Variants in EGFLAM observed in about 807,000 individuals in gnomAD.
The protein encoded by EGFLAM is pikachurin.
In EGFLAM, 79 loss-of-function variants were observed where a neutral mutation model predicts 113.1. That is an observed-to-expected ratio of 0.70 (90% CI 0.58 to 0.84). The LOEUF (loss-of-function observed/expected upper bound fraction) is 0.84, where lower values mean the gene tolerates loss of function less well. Ranked by LOEUF, EGFLAM falls within the 40% of genes least tolerant of loss-of-function variation. The pLI is 0.00. For missense variants in EGFLAM, 1,265 were observed against 1,291.6 expected, an observed-to-expected ratio of 0.98 and a Z score of 0.32; for synonymous variants, 504 against 487.6, an observed-to-expected ratio of 1.03 and a Z score of -0.44.
intron 1 of EGFLAM, among the ~76,000 whole-genome samples, chr5:38,296,430 G>A (rs1469652558): frequency 6.6e-6 from 1 of 152,076 alleles, no homozygotes; most frequent in East Asian, 1.9e-4. Context: ...TCTAAATTCA[G>A]CTGCTTCACA....
At chr5:38,427,364 A>G (rs1419031225) in intron 14 of EGFLAM, 112 bp downstream of exon 14, 2 of 1,507,226 alleles carry the variant, frequency 1.3e-6, no homozygotes, top group Non-Finnish European at 1.8e-6. Flanking sequence ...TCTTCTCTAC[A>G]TGCTTATCTT....
Position 38,412,601 on chromosome 5 carries a change from G to A in EGFLAM, c.1447G>A (p.Gly483Arg), listed in dbSNP as rs1263295428. The A allele has an allele frequency of 1.9e-6, 3 of 1,614,118 alleles. No homozygotes were observed. The highest frequency in any genetic ancestry group is 2.5e-6 in the Non-Finnish European group (3 of 1,180,022). ...TVMLYRDGLN[G>R]LLQLNNGTPV... Reference sequence around the variant, plus strand: ...TATGCTCTACAGAGATGGGCTGAACGGGCTGCTGCAGCTGAACAATGGCAC... The same window carrying A: ...TATGCTCTACAGAGATGGGCTGAACAGGCTGCTGCAGCTGAACAATGGCAC... Residue 483 changes from glycine to arginine, a missense_variant, in exon 11 of 22, where the codon GGG (glycine) becomes AGG (arginine). Physicochemically the swap from Gly to Arg is moderately radical, Grantham distance 125. Transcript: ENST00000322350.
chr5:38,418,426 G>A (rs1579903591), intron 12 of EGFLAM, among the ~76,000 whole-genome samples, 171 bp downstream of exon 12: 1 of 152,198 alleles, frequency 6.6e-6, no homozygotes, highest in African/African-American at 2.4e-5. Flanking sequence ...CTGGTGCTCT[G>A]CAGACATGCT....
Position 38,441,482 on chromosome 5 carries a change from T to C in EGFLAM, c.2464+3027T>C, listed in dbSNP as rs150490980. Among the ~76,000 whole-genome samples, 314 of 152,224 alleles carry C rather than the reference T, an allele frequency of 2.1e-3. 1 individual carries two copies. Among genetic ancestry groups the C allele is most frequent in the African/African-American group, 7.2e-3 (298 of 41,530 alleles). ...TTGCATCCAGTGGACCCATCCTGTG[T>C]CCCAGTTCCTCAGAGCTTGTGTATC... On this transcript the variant is annotated intron_variant, in intron 17 of 21. Transcript: ENST00000322350.
At chr5:38,278,454 T>C (rs1375391674) in intron 1 of EGFLAM, among the ~76,000 whole-genome samples, 2 of 151,454 alleles carry the variant, frequency 1.3e-5, no homozygotes, top group Non-Finnish European at 2.9e-5. Flanking sequence ...GAAGAAAACA[T>C]AGGCAAAGAG....
At chr5:38,324,112 G>T (rs1398087600) in intron 1 of EGFLAM, among the ~76,000 whole-genome samples, 2 of 151,174 alleles carry the variant, frequency 1.3e-5, no homozygotes, top group African/African-American at 4.9e-5. Context: ...AGACATTGCA[G>T]AGATGTGAGG....
chr5:38,412,636 A>G lies in EGFLAM; in HGVS notation c.1482A>G (p.Thr494=), dbSNP rs1207981808. The G allele has an allele frequency of 8.1e-6, 13 of 1,613,902 alleles. No homozygotes were observed. The highest frequency in any genetic ancestry group is 1.1e-5 in the Non-Finnish European group (13 of 1,180,006). The change falls in exon 11 of 22, where the codon ACA becomes ACG. Residue 494 remains threonine, a synonymous_variant. Transcript: ENST00000322350. The part of the protein sequence containing the change: ...LLQLNNGTPV[T]GQSQGQYSKI... ...AGCTGAACAATGGCACCCCAGTGAC[A>G]GGCCAGTCTCAGGTATGTATGAGCC...
intron 6 of EGFLAM, 144 bp downstream of exon 6, chr5:38,370,606 C>T (rs2061809012): frequency 9.1e-7 from 1 of 1,094,560 alleles, no homozygotes; most frequent in Non-Finnish European, 1.3e-6. Flanking sequence ...TTTTCCCAGC[C>T]CTTTGGAAGT....
At chr5:38,283,242 A>G (rs980663492) in intron 1 of EGFLAM, among the ~76,000 whole-genome samples, 2 of 152,084 alleles carry the variant, frequency 1.3e-5, no homozygotes, top group African/African-American at 2.4e-5. Flanking sequence ...AGGGCTTGGG[A>G]TTTGGATCCA....
At chr5:38,273,392 C>T (rs987009492) in intron 1 of EGFLAM, among the ~76,000 whole-genome samples, 6 of 152,238 alleles carry the variant, frequency 3.9e-5, no homozygotes, top group Non-Finnish European at 7.3e-5. Flanking sequence ...TGCATCACTG[C>T]TGGCCAACTA....
intron 6 of EGFLAM, among the ~76,000 whole-genome samples, chr5:38,378,181 A>C (rs1740414476): frequency 6.6e-6 from 1 of 152,076 alleles, no homozygotes; most frequent in African/African-American, 2.4e-5. Flanking sequence ...GCTGTTCCCC[A>C]GCACCCTCTC....
chr5:38,312,243 A>ATTTT lies in EGFLAM; in HGVS notation c.98-25264_98-25261dup, dbSNP rs35055096. On this transcript the variant is annotated intron_variant, in intron 1 of 21. Coordinates refer to ENST00000322350, the MANE Select transcript of EGFLAM (RefSeq NM_152403.4). ...GTTACTCTATCTCTCTGTATCTCAG[A>ATTTT]TTTTTTTTTTTTTTTTGAGACAGAG... Among the ~76,000 whole-genome samples the ATTTT allele has an allele frequency of 5.0e-3, 702 of 140,256 alleles. 6 individuals are homozygous for ATTTT. Among genetic ancestry groups the ATTTT allele is most frequent in the African/African-American group, 0.017 (642 of 37,988 alleles). The allele number at this position is 140,256 out of a possible 152,430, so 92.0% of individuals were successfully genotyped here.
intron 5 of EGFLAM, among the ~76,000 whole-genome samples, chr5:38,366,166 G>T (rs953396951): frequency 2.7e-4 from 41 of 152,280 alleles, no homozygotes; most frequent in African/African-American, 9.6e-4. Context: ...TTTGGATCCT[G>T]CATCAAGCGG....
In EGFLAM at chr5:38,386,751, C is replaced by T. The variant is rs550226157; in HGVS notation, c.712+16289C>T. On this transcript the variant is annotated intron_variant, in intron 6 of 21. Transcript: ENST00000322350. ...GGATCTCTTGACCTTGTGATCTGCC[C>T]GCCTCGGCCTCTCAAAGGTCTGGGA... is the stretch of plus-strand genomic sequence containing the variant. Among the ~76,000 whole-genome samples, 7 of 152,266 alleles carry T rather than the reference C, an allele frequency of 4.6e-5. No individual in the cohort carries two copies. The East Asian group carries it at 7.7e-4, about 17-fold the overall frequency.
At chr5:38,328,143 G>A (rs761434000) in intron 1 of EGFLAM, among the ~76,000 whole-genome samples, 2 of 152,218 alleles carry the variant, frequency 1.3e-5, no homozygotes, top group Non-Finnish European at 1.5e-5. Context: ...CATGGCTGGG[G>A]AGGCTCGGGA....
rs529960107 is a variant in EGFLAM at position 38,323,796 on chromosome 5, C to T, written c.98-13724C>T. Among the ~76,000 whole-genome samples the T allele has an allele frequency of 7.7e-4, 117 of 152,132 alleles. 1 individual carries two copies. Among genetic ancestry groups the T allele is most frequent in the African/African-American group, 2.6e-3 (109 of 41,496 alleles). On this transcript the variant is annotated intron_variant, in intron 1 of 21. Transcript: ENST00000322350. ...AGGCACAGTGGCTCATGTCTGTAAT[C>T]GTAGCACTTTGGGAGGCCAAGGTGG...
intron 6 of EGFLAM, among the ~76,000 whole-genome samples, chr5:38,372,289 C>T (rs1251670408): frequency 1.3e-5 from 2 of 152,054 alleles, no homozygotes; most frequent in Non-Finnish European, 2.9e-5. Flanking sequence ...ATTGCAGGTG[C>T]CCACCACCAT....
chr5:38,412,795 A>G (rs1293830458), intron 11 of EGFLAM, 147 bp downstream of exon 11: 7 of 1,278,726 alleles, frequency 5.5e-6, no homozygotes, highest in Non-Finnish European at 7.3e-6. Context: ...TGGTGAACCC[A>G]TGCAACAGAC....
At chr5:38,312,033 C>A (rs1418961719) in intron 1 of EGFLAM, among the ~76,000 whole-genome samples, 1 of 152,160 alleles carries the variant, frequency 6.6e-6, no homozygotes, top group African/African-American at 2.4e-5. Context: ...TCATTTAATT[C>A]TCAAAGCCTG....
Sources: gnomAD v4.1 joint callset for allele counts (sites outside exome capture counted in the v4.1 genomes callset) on GRCh38, gnomAD v4.1.1 for gene constraint, MANE v1.5 for transcripts, NCBI Gene and HGNC (gene_info 2026-07-23, HGNC 2026-07-21) for gene names.